The following RIMS1 variants were observed in gnomAD, a reference collection of about 807,000 sequenced individuals.
The protein encoded by RIMS1 is regulating synaptic membrane exocytosis 1.
RIMS1 carries 83 observed loss-of-function variants against 214.1 expected under a neutral mutation model. That is an observed-to-expected ratio of 0.39 (90% CI 0.32 to 0.47). The LOEUF (loss-of-function observed/expected upper bound fraction) is 0.47, where lower values mean the gene tolerates loss of function less well. Ranked by LOEUF, RIMS1 falls within the 20% of genes least tolerant of loss-of-function variation. RIMS1 has a pLI of 0.99. For synonymous variants in RIMS1, 793 were observed against 786.8 expected (o/e 1.01, Z -0.13); for missense variants, 2,050 against 2,161.8 (o/e 0.95, Z 1.03).
chr6:72,240,987 G>T (rs1248921637), intron 9 of RIMS1, among the ~76,000 whole-genome samples: 1 of 152,136 alleles, frequency 6.6e-6, no homozygotes, highest in Non-Finnish European at 1.5e-5. Context: ...CTGCACTCTA[G>T]CCTGGGCAAC....
At chr6:72,383,640 A>G (rs1032509352) in intron 29 of RIMS1, among the ~76,000 whole-genome samples, 2 of 150,980 alleles carry the variant, frequency 1.3e-5, no homozygotes, top group East Asian at 1.9e-4. Context: ...AACTAAAACA[A>G]TTAGTCAGGT....
intron 24 of RIMS1, among the ~76,000 whole-genome samples, chr6:72,287,054 T>C (rs1479521117): frequency 6.6e-6 from 1 of 152,234 alleles, no homozygotes; most frequent in Non-Finnish European, 1.5e-5. Context: ...GCTTTTCATC[T>C]TCATGTGAAT....
chr6:72,347,590 T>C (rs538883980), intron 29 of RIMS1, among the ~76,000 whole-genome samples: 5 of 152,044 alleles, frequency 3.3e-5, no homozygotes, highest in Admixed American at 1.3e-4. Flanking sequence ...ATGTCCACTT[T>C]TATTTGACAT....
intron 1 of RIMS1, among the ~76,000 whole-genome samples, chr6:71,956,700 G>T (rs188586260): frequency 7.9e-4 from 121 of 152,244 alleles, no homozygotes; most frequent in African/African-American, 2.7e-3. Context: ...TTCATGGAAA[G>T]CTCTTTTATG....
intron 2 of RIMS1, among the ~76,000 whole-genome samples, chr6:71,997,436 A>T (rs569310725): frequency 6.6e-6 from 1 of 152,326 alleles, no homozygotes; most frequent in African/African-American, 2.4e-5. Flanking sequence ...TAAAATATTT[A>T]ATGAAGTGTG....
At chr6:72,027,826 C>T (rs1271613746) in intron 2 of RIMS1, among the ~76,000 whole-genome samples, 4 of 152,020 alleles carry the variant, frequency 2.6e-5, no homozygotes, top group Non-Finnish European at 5.9e-5. Flanking sequence ...ATATACATTG[C>T]ATGATTTAGA....
intron 7 of RIMS1, among the ~76,000 whole-genome samples, chr6:72,234,350 T>G (rs2063206557): frequency 6.6e-6 from 1 of 151,998 alleles, no homozygotes. Context: ...AACCAATAAC[T>G]TGTGTCTATA....
At chr6:72,089,962 T>C (rs887486582) in intron 2 of RIMS1, among the ~76,000 whole-genome samples, 9 of 138,076 alleles carry the variant, frequency 6.5e-5, no homozygotes, top group Non-Finnish European at 1.4e-4. Context: ...TAGGTGGGAA[T>C]TGAACAATGA....
At chr6:72,243,799 A>C (rs188934210) in intron 10 of RIMS1, among the ~76,000 whole-genome samples, 1 of 151,734 alleles carries the variant, frequency 6.6e-6, no homozygotes, top group Non-Finnish European at 1.5e-5. Flanking sequence ...CTAAACTATT[A>C]TAGATTATAG....
intron 29 of RIMS1, among the ~76,000 whole-genome samples, chr6:72,341,454 C>G (rs577715793): frequency 5.9e-4 from 89 of 151,928 alleles, no homozygotes; most frequent in African/African-American, 2.1e-3. Flanking sequence ...ACAACTGAGA[C>G]TATGATTTCT....
chr6:71,964,824 TATTTGGGG>T (rs1463144196), intron 1 of RIMS1, among the ~76,000 whole-genome samples: 1 of 152,168 alleles, frequency 6.6e-6, no homozygotes, highest in African/African-American at 2.4e-5. Flanking sequence ...ATGTTGCATG[TATTTGGGG>T]TACTTTATGG....
chr6:71,965,549 G>T (rs1224676076), intron 1 of RIMS1, among the ~76,000 whole-genome samples: 3 of 152,182 alleles, frequency 2.0e-5, no homozygotes, highest in Non-Finnish European at 4.4e-5. Context: ...AAGTGGCTGA[G>T]TGGGCAGTTG....
chr6:72,029,062 G>A (rs577787624), intron 2 of RIMS1, among the ~76,000 whole-genome samples: 11 of 152,216 alleles, frequency 7.2e-5, no homozygotes, highest in African/African-American at 2.4e-4. Flanking sequence ...AGGGAATATG[G>A]AAAAGAGTTT....
intron 23 of RIMS1, among the ~76,000 whole-genome samples, chr6:72,282,337 C>T (rs1010172349): frequency 6.6e-6 from 1 of 152,080 alleles, no homozygotes; most frequent in African/African-American, 2.4e-5. Context: ...ATTCCATTCC[C>T]AACAACCATG....
At chr6:72,304,290 T>G (rs2094930476) in intron 26 of RIMS1, among the ~76,000 whole-genome samples, 1 of 151,758 alleles carries the variant, frequency 6.6e-6, no homozygotes. Context: ...GTTTTGCTCT[T>G]GGGTTTAAAA....
chr6:72,132,205 G>C (rs1295196470), intron 4 of RIMS1, among the ~76,000 whole-genome samples: 3 of 152,098 alleles, frequency 2.0e-5, no homozygotes, highest in Non-Finnish European at 4.4e-5. Flanking sequence ...AAATCACAAG[G>C]GTATTGATTG....
At chr6:72,344,782 G>A (rs1173191600) in intron 29 of RIMS1, among the ~76,000 whole-genome samples, 1 of 151,608 alleles carries the variant, frequency 6.6e-6, no homozygotes, top group Non-Finnish European at 1.5e-5. Context: ...GCCCTAATAA[G>A]GATTAGTATT....
chr6:72,276,581 A>T (rs542210493), intron 23 of RIMS1, among the ~76,000 whole-genome samples: 36 of 152,100 alleles, frequency 2.4e-4, no homozygotes, highest in Non-Finnish European at 4.6e-4. Context: ...CATAATTTTG[A>T]ATACATATTT....
At chr6:72,005,960 C>T (rs189076746) in intron 2 of RIMS1, among the ~76,000 whole-genome samples, 1 of 152,284 alleles carries the variant, frequency 6.6e-6, no homozygotes, top group African/African-American at 2.4e-5. Context: ...GAGTGGTTGG[C>T]TACTAAACTA....
Sources: allele counts gnomAD v4.1 joint callset (sites outside exome capture counted in the v4.1 genomes callset), GRCh38; gene constraint gnomAD v4.1.1; transcripts MANE v1.5; gene names NCBI Gene and HGNC (gene_info 2026-07-23, HGNC 2026-07-21).